CLSTN3: variants seen among roughly 807,000 people sequenced by gnomAD.
CLSTN3 encodes the protein calsyntenin 3.
CLSTN3 carries 36 observed loss-of-function variants against 95.9 expected under a neutral mutation model. The ratio of observed to expected loss-of-function variants is 0.38; its 90% confidence interval spans 0.29 to 0.50. CLSTN3 has a LOEUF of 0.50. CLSTN3 is among the 20% of genes least tolerant of loss of function. The pLI is 0.95. For synonymous variants in CLSTN3, 481 were observed against 504.0 expected (o/e 0.95, Z 0.61); for missense variants, 1,084 against 1,268.8 (o/e 0.85, Z 2.21).
chr12:7,157,486 C>T lies in CLSTN3; in HGVS notation c.2528-3C>T. ...TCTGCTCACCCCCGCGCTCTCTCTGCAGTGATACCCAGCGCCGCAACCCTC... is the reference window on the plus strand; with the variant it reads ...TCTGCTCACCCCCGCGCTCTCTCTGTAGTGATACCCAGCGCCGCAACCCTC... On this transcript the variant is annotated splice_region_variant and splice_polypyrimidine_tract_variant and intron_variant, in intron 16 of 17. Transcript: ENST00000266546. This position sits in a 1 kb window ranked among gnomAD's most constrained non-coding sequence, Gnocchi z 5.9. 6.4e-7 allele frequency: 1 copy of T among 1,569,736 alleles called. No homozygotes were observed. Among genetic ancestry groups the T allele is most frequent in the Non-Finnish European group, 8.6e-7 (1 of 1,156,460 alleles).
At chr12:7,138,203 C>A in intron 8 of CLSTN3, 136 bp downstream of exon 8, 1 of 583,152 alleles carries the variant, frequency 1.7e-6, no homozygotes, top group Non-Finnish European at 3.1e-6. Context: ...CAGCCCCTGA[C>A]CATTCTACTC....
rs1376343017 is a variant in CLSTN3, at chr12:7,149,854, A to G, written c.2245+161A>G. ...AGATCCTCTGGCTTTGATTGTCCCT[A>G]GGGAAGGTGTGCTGGGTTTAGGCTC... is the stretch of plus-strand genomic sequence containing the variant. On this transcript the variant is annotated intron_variant, in intron 14 of 17. Transcript: ENST00000266546. The surrounding 1 kb of genome is among the most constrained non-coding windows in gnomAD (Gnocchi z 4.5). Among the ~76,000 whole-genome samples the G allele has an allele frequency of 6.6e-6, 1 of 152,142 alleles. No individual in the cohort carries two copies. The highest frequency in any genetic ancestry group is 1.5e-5 in the Non-Finnish European group (1 of 68,026).
intron 8 of CLSTN3, among the ~76,000 whole-genome samples, chr12:7,140,640 A>C (rs974333793): frequency 6.6e-6 from 1 of 152,138 alleles, no homozygotes; most frequent in Admixed American, 6.5e-5. Context: ...GTTAGAAGCT[A>C]TCCTAGAGAT....
Position 7,158,030 on chromosome 12 carries a change from C to T in CLSTN3, c.2820C>T (p.Ser940=), listed in dbSNP as rs750187201. 1.9e-6 allele frequency: 3 copies of T among 1,550,452 alleles called. No homozygotes were observed. The highest frequency in any genetic ancestry group is 1.7e-4 in the Middle Eastern group (1 of 5,986). ...GCAGTGACTCGGAGGTGGCCGATTC[C>T]CCCAGCAGCGACGAGAGACGCATCA... is the stretch of plus-strand genomic sequence containing the variant. ...EDSSDSEVAD[S]PSSDERRIIE... The change falls in exon 18 of 18, where the codon TCC becomes TCT. Residue 940 remains serine (S), a synonymous_variant. Coordinates refer to ENST00000266546, the MANE Select transcript of CLSTN3 (RefSeq NM_014718.4).
rs765403721 is a variant in CLSTN3 at position 7,157,443 on chromosome 12, AG to A, written c.2528-44del. On this transcript the variant is annotated intron_variant, in intron 16 of 17. Coordinates refer to ENST00000266546, the MANE Select transcript of CLSTN3 (RefSeq NM_014718.4). The surrounding 1 kb of genome is among the most constrained non-coding windows in gnomAD (Gnocchi z 5.9). ...CCCAGCCCCCTGTCCAAGTGCCCCC[AG>A]GTGTGCCTAGTCACGCTCTGCTCAC... The A allele has an allele frequency of 6.7e-7, 1 of 1,492,358 alleles. No individual in the cohort carries two copies. The highest frequency in any genetic ancestry group is 2.3e-5 in the East Asian group (1 of 43,466). The allele number at this position is 1,492,358 out of a possible 1,614,324, so 92.4% of individuals were successfully genotyped here.
Position 7,130,406 on chromosome 12 carries a change from A to C in CLSTN3, c.-243A>C. 2 of 1,393,204 alleles carry C rather than the reference A, an allele frequency of 1.4e-6. No individual in the cohort carries two copies. The highest frequency in any genetic ancestry group is 1.5e-5 in the African/African-American group (1 of 67,388). The allele number at this position is 1,393,204 out of a possible 1,614,324, so 86.3% of individuals were successfully genotyped here. A position where few individuals can be genotyped will look rare whatever the true frequency, so the allele number is the denominator to read the frequency against. On this transcript the variant is annotated 5_prime_UTR_variant, in exon 1 of 18. Coordinates refer to ENST00000266546, the MANE Select transcript of CLSTN3 (RefSeq NM_014718.4). ...AGCGGGGTTGGGGTGGGAGTGAGAG[A>C]GTGAGGACGCTGGGCTGGGGGAAAC...
At chr12:7,132,315 G>A (rs921249364) in intron 1 of CLSTN3, 3 of 236,804 alleles carry the variant, frequency 1.3e-5, no homozygotes, top group South Asian at 5.0e-5. Context: ...AAGCAGGGAC[G>A]GGATTTGTCA....
chr12:7,143,404 C>G, intron 12 of CLSTN3, 93 bp downstream of exon 12: 4 of 1,416,638 alleles, frequency 2.8e-6, no homozygotes, highest in Non-Finnish European at 2.9e-6. Context: ...CTAGGCATAC[C>G]TCTTTTGTTT....
At chr12:7,155,844 G>A in intron 16 of CLSTN3, 1 of 202,436 alleles carries the variant, frequency 4.9e-6, no homozygotes, top group Non-Finnish European at 1.0e-5. Flanking sequence ...CCTCAGGGAG[G>A]TGTGTGGCCT....
chr12:7,150,599 G>T lies in CLSTN3; in HGVS notation c.2301G>T (p.Leu767=). The change falls in exon 15 of 18, where the codon CTG becomes CTT. Residue 767 remains leucine, a synonymous_variant. Coordinates refer to ENST00000266546, the MANE Select transcript of CLSTN3 (RefSeq NM_014718.4). The surrounding 1 kb of genome is among the most constrained non-coding windows in gnomAD (Gnocchi z 4.0). ...EEILRQARYR[L]RHGAALYTRK... ...TCCTGAGGCAGGCTCGTTATCGGCT[G>T]CGACACGGAGCTGCCCTCTACACCA... 1 of 1,614,064 alleles carries T rather than the reference G, an allele frequency of 6.2e-7. No homozygotes were observed. The highest frequency in any genetic ancestry group is 1.3e-5 in the African/African-American group (1 of 75,010).
chr12:7,149,281 G>A lies in CLSTN3; in HGVS notation c.2074+83G>A. The A allele has an allele frequency of 8.6e-7, 1 of 1,161,432 alleles. No homozygotes were observed. Among genetic ancestry groups the A allele is most frequent in the East Asian group, 2.7e-5 (1 of 37,280 alleles). 71.9% of individuals were successfully genotyped at this position (1,161,432 alleles called of 1,614,324 possible). ...GAGTGTGGGAGAACTCCTGGGGCTGGAAGCAGAAAGCGACTCCATCCTGTG... is the reference window on the plus strand; with the variant it reads ...GAGTGTGGGAGAACTCCTGGGGCTGAAAGCAGAAAGCGACTCCATCCTGTG... On this transcript the variant is annotated intron_variant, in intron 13 of 17. Transcript: ENST00000266546. The surrounding 1 kb of genome is among the most constrained non-coding windows in gnomAD (Gnocchi z 4.5).
In CLSTN3 at chr12:7,143,319, T is replaced by C; in HGVS notation, c.1847+8T>C. 6.2e-7 allele frequency: 1 copy of C among 1,605,146 alleles called. No homozygotes were observed. The highest frequency in any genetic ancestry group is 8.5e-7 in the Non-Finnish European group (1 of 1,178,772). Reference sequence around the variant, plus strand: ...CCTCACCACTGCTGTCAAGTGAGTGTTGGGTGGGGCAGGGCAAATCACCAA... The same window carrying C: ...CCTCACCACTGCTGTCAAGTGAGTGCTGGGTGGGGCAGGGCAAATCACCAA... On this transcript the variant is annotated splice_region_variant and intron_variant, in intron 12 of 17. Transcript: ENST00000266546.
chr12:7,143,469 A>G (rs1939568583), intron 12 of CLSTN3, among the ~76,000 whole-genome samples, 158 bp downstream of exon 12: 1 of 152,250 alleles, frequency 6.6e-6, no homozygotes, highest in Non-Finnish European at 1.5e-5. Context: ...TGAAGGTCAC[A>G]TAGCAATATT....
At chr12:7,145,495 C>G (rs963178394) in intron 12 of CLSTN3, among the ~76,000 whole-genome samples, 3 of 152,204 alleles carry the variant, frequency 2.0e-5, no homozygotes, top group Middle Eastern at 3.4e-3. Flanking sequence ...GTTCTTGGAC[C>G]TCTGTCTATT....
rs3834501 is a variant in CLSTN3, at chr12:7,131,898, ATCAGGGTTTCTTGC to A, written c.65-1122_65-1109del. ...TGTGTGGTTGGAGGAAAGAATGGAA[ATCAGGGTTTCTTGC>A]TCACCGTGAGATACTGGGGATGAGG... On this transcript the variant is annotated intron_variant, in intron 1 of 17. Transcript: ENST00000266546. 326 of 456,390 alleles carry A rather than the reference ATCAGGGTTTCTTGC, an allele frequency of 7.1e-4. 2 individuals carry two copies. In the East Asian group the frequency reaches 0.014, roughly 20 times the overall value. 28.3% of individuals were successfully genotyped at this position (456,390 alleles called of 1,614,324 possible).
chr12:7,143,356 C>T (rs369661938), intron 12 of CLSTN3, 45 bp downstream of exon 12: 1 of 1,578,518 alleles, frequency 6.3e-7, no homozygotes, highest in African/African-American at 1.3e-5. Context: ...CAGAGCCAGA[C>T]AGTGTCACAG....
rs757082280 is a variant in CLSTN3 at position 7,158,212 on chromosome 12, A to G, written c.*131A>G. The G allele has an allele frequency of 1.9e-5, 22 of 1,182,080 alleles. No individual in the cohort carries two copies. The highest frequency in any genetic ancestry group is 2.4e-5 in the Non-Finnish European group (21 of 878,654). 73.2% of individuals were successfully genotyped at this position (1,182,080 alleles called of 1,614,324 possible). ...AGGCTTCAGAACCAGTCCTCCTTTC[A>G]TTTCAAAACCCCAGCGGGCCCTCTG... On this transcript the variant is annotated 3_prime_UTR_variant, in exon 18 of 18. Transcript: ENST00000266546.
intron 12 of CLSTN3, 49 bp downstream of exon 12, chr12:7,143,360 G>C (rs777530779): frequency 6.4e-7 from 1 of 1,573,272 alleles, no homozygotes; most frequent in Non-Finnish European, 8.6e-7. Flanking sequence ...GCCAGACAGT[G>C]TCACAGCTCC....
chr12:7,133,792 C>T lies in CLSTN3; in HGVS notation c.383+24C>T, dbSNP rs1939352949. ...AAGTGAGGAAGTCCTTGTCTCCTGC[C>T]CCATGTGTTGCAGGGTCCTCCTCCC... On this transcript the variant is annotated intron_variant, in intron 3 of 17. Transcript: ENST00000266546. This position sits in a 1 kb window ranked among gnomAD's most constrained non-coding sequence, Gnocchi z 4.7. 6.5e-7 allele frequency: 1 copy of T among 1,532,402 alleles called. No homozygotes were observed. 94.9% of individuals were successfully genotyped at this position (1,532,402 alleles called of 1,614,324 possible).
Sources: gnomAD v4.1 joint callset for allele counts (sites outside exome capture counted in the v4.1 genomes callset) on GRCh38, gnomAD v4.1.1 for gene constraint, Gnocchi (gnomAD v3.1) non-coding constraint, MANE v1.5 for transcripts, NCBI Gene and HGNC (gene_info 2026-07-23, HGNC 2026-07-21) for gene names.